ZFHX4: variants seen among roughly 807,000 people sequenced by gnomAD.
ZFHX4 encodes zinc finger homeobox protein 4.
A neutral mutation model predicts 267.6 loss-of-function variants in ZFHX4; 56 were observed. That is an observed-to-expected ratio of 0.21 (90% CI 0.17 to 0.26). ZFHX4 has a LOEUF of 0.26. Among genes scored for constraint, ZFHX4 ranks in the 10% least tolerant of loss-of-function variants. The pLI, the probability that ZFHX4 is intolerant of heterozygous loss-of-function variation, is 1.00. For synonymous variants in ZFHX4, 1,778 were observed against 1,665.6 expected, an observed-to-expected ratio of 1.07 and a Z score of -1.64; for missense variants, 4,332 against 4,420.0, an observed-to-expected ratio of 0.98 and a Z score of 0.56.
chr8:76,794,063 T>C (rs1483995180), intron 4 of ZFHX4, among the ~76,000 whole-genome samples: 2 of 151,872 alleles, frequency 1.3e-5, no homozygotes, highest in Non-Finnish European at 2.9e-5. Flanking sequence ...AACAGAACTT[T>C]TTTATTTTTT....
At chr8:76,833,678 T>C (rs1362028627) in intron 5 of ZFHX4, 1 of 354,416 alleles carries the variant, frequency 2.8e-6, no homozygotes, top group Admixed American at 4.3e-5. Context: ...TCATTATCAC[T>C]GCCCTCCCCA....
chr8:76,711,063 T>C (rs188286151), intron 3 of ZFHX4, among the ~76,000 whole-genome samples: 216 of 152,276 alleles, frequency 1.4e-3, no homozygotes, highest in African/African-American at 4.9e-3. Context: ...GGTTATGGTA[T>C]TTTGGCAAAG....
At chr8:76,777,797 A>G (rs971962660) in intron 3 of ZFHX4, among the ~76,000 whole-genome samples, 9 of 151,958 alleles carry the variant, frequency 5.9e-5, no homozygotes, top group African/African-American at 9.7e-5. Flanking sequence ...TTAAACATCA[A>G]GAAGTACCTC....
At chr8:76,764,799 G>A (rs923482894) in intron 3 of ZFHX4, among the ~76,000 whole-genome samples, 3 of 152,116 alleles carry the variant, frequency 2.0e-5, no homozygotes, top group African/African-American at 7.2e-5. Context: ...AACTTTTGCG[G>A]TTATATTATT....
intron 3 of ZFHX4, among the ~76,000 whole-genome samples, chr8:76,739,331 T>C (rs1771575922): frequency 6.6e-6 from 1 of 152,158 alleles, no homozygotes; most frequent in Admixed American, 6.6e-5. Flanking sequence ...TCCTTGAAAA[T>C]AGCAAGAAAG....
intron 4 of ZFHX4, among the ~76,000 whole-genome samples, chr8:76,798,815 CT>C (rs142662879): frequency 1.4e-3 from 209 of 152,198 alleles, no homozygotes; most frequent in African/African-American, 4.8e-3. Context: ...TGGATGCCAC[CT>C]CTTTTTTTTA....
At chr8:76,848,688 G>A (rs911592085) in intron 6 of ZFHX4, among the ~76,000 whole-genome samples, 3 of 152,124 alleles carry the variant, frequency 2.0e-5, no homozygotes, top group African/African-American at 7.2e-5. Flanking sequence ...GAGTAGATTT[G>A]CTTTAATGTG....
chr8:76,851,499 G>A lies in ZFHX4; in HGVS notation c.4578G>A (p.Gly1526=). The change falls in exon 10 of 11, where the codon GGG becomes GGA. Residue 1526 remains glycine, a synonymous_variant. Transcript: ENST00000651372. ...AGCGGACCTTACCTTTTAGAAAAGG[G>A]CCCAATTTTACGATGGAAAAATTCC... ...EPKRTLPFRK[G]PNFTMEKFLD... 6.2e-7 allele frequency: 1 copy of A among 1,613,858 alleles called. No homozygotes were observed. Among genetic ancestry groups the A allele is most frequent in the Non-Finnish European group, 8.5e-7 (1 of 1,179,850 alleles).
At chr8:76,685,315 A>AT (rs1476860392) in intron 1 of ZFHX4, among the ~76,000 whole-genome samples, 5 of 152,134 alleles carry the variant, frequency 3.3e-5, no homozygotes, top group Admixed American at 6.5e-5. Flanking sequence ...TCCCTCCTTC[A>AT]TTTTTTATGG....
chr8:76,781,140 T>G (rs1218491520), intron 4 of ZFHX4, among the ~76,000 whole-genome samples: 1 of 152,102 alleles, frequency 6.6e-6, no homozygotes, highest in Non-Finnish European at 1.5e-5. Context: ...GAATTGTGAT[T>G]TTTGCTTTTT....
chr8:76,861,985 A>G (rs1301656020), intron 10 of ZFHX4, among the ~76,000 whole-genome samples: 1 of 152,102 alleles, frequency 6.6e-6, no homozygotes, highest in Non-Finnish European at 1.5e-5. Flanking sequence ...TCCCTTGTTC[A>G]AGAATGAATT....
Position 76,863,871 on chromosome 8 carries a change from A to G in ZFHX4, c.10157A>G (p.Lys3386Arg), listed in dbSNP as rs1374671005. The G allele has an allele frequency of 1.3e-6, 2 of 1,561,332 alleles. No homozygotes were observed. Among genetic ancestry groups the G allele is most frequent in the Non-Finnish European group, 1.7e-6 (2 of 1,151,918 alleles). ...AAAGAAGAACCCCAGTTAGAATCCA[A>G]AAGTGCAGACTTTTCAGACACTTAC... ...STKEEPQLES[K>R]SADFSDTYVV... Residue 3386 changes from lysine to arginine, a missense_variant, in exon 11 of 11, where the codon AAA becomes AGA. Coordinates refer to ENST00000651372, the MANE Select transcript of ZFHX4 (RefSeq NM_024721.5).
chr8:76,778,928 T>A (rs988233645), intron 4 of ZFHX4, among the ~76,000 whole-genome samples: 1 of 152,206 alleles, frequency 6.6e-6, no homozygotes, highest in Non-Finnish European at 1.5e-5. Context: ...ATAATTCCAA[T>A]GTTAATGCTA....
At chr8:76,774,436 T>G (rs1157502823) in intron 3 of ZFHX4, among the ~76,000 whole-genome samples, 2 of 152,152 alleles carry the variant, frequency 1.3e-5, no homozygotes, top group Non-Finnish European at 2.9e-5. Context: ...CTGTATTGAT[T>G]CAGGTTTACT....
At chr8:76,775,503 A>G (rs900914447) in intron 3 of ZFHX4, among the ~76,000 whole-genome samples, 5 of 152,328 alleles carry the variant, frequency 3.3e-5, no homozygotes, top group Admixed American at 6.5e-5. Flanking sequence ...AGACATTTCA[A>G]TGGCCTCCGA....
At chr8:76,726,494 A>G (rs1808856992) in intron 3 of ZFHX4, among the ~76,000 whole-genome samples, 1 of 152,210 alleles carries the variant, frequency 6.6e-6, no homozygotes, top group Admixed American at 6.6e-5. Flanking sequence ...ATATTAGATT[A>G]AATATCTGTT....
intron 3 of ZFHX4, among the ~76,000 whole-genome samples, chr8:76,754,010 AT>A (rs1398346525): frequency 6.6e-6 from 1 of 152,088 alleles, no homozygotes; most frequent in Non-Finnish European, 1.5e-5. Flanking sequence ...TTGATTCTTG[AT>A]TGTGTCTTGG....
chr8:76,826,519 T>C (rs545471469), intron 4 of ZFHX4, among the ~76,000 whole-genome samples: 1 of 152,200 alleles, frequency 6.6e-6, no homozygotes, highest in Non-Finnish European at 1.5e-5. Context: ...TTGAAAAACG[T>C]AGTAACTGTG....
At chr8:76,818,402 T>C (rs900516456) in intron 4 of ZFHX4, among the ~76,000 whole-genome samples, 1 of 152,080 alleles carries the variant, frequency 6.6e-6, no homozygotes, top group African/African-American at 2.4e-5. Context: ...ATTAACTAGA[T>C]AGTTAAGATT....
Sources: gnomAD v4.1 joint callset for allele counts (sites outside exome capture counted in the v4.1 genomes callset) on GRCh38, gnomAD v4.1.1 for gene constraint, MANE v1.5 for transcripts, NCBI Gene and HGNC (gene_info 2026-07-23, HGNC 2026-07-21) for gene names.